The following IGSF21 variants were observed in gnomAD, a reference collection of about 807,000 sequenced individuals.
IGSF21 encodes the protein immunoglobulin superfamily member 21.
Under a neutral mutation model 46.8 loss-of-function variants are expected in IGSF21, and 28 were observed. That is an observed-to-expected ratio of 0.60 (90% CI 0.44 to 0.82). IGSF21 has a LOEUF of 0.82. IGSF21 is among the 40% of genes least tolerant of loss of function. The pLI is 0.00. For missense variants in IGSF21, 624 were observed against 665.5 expected, an observed-to-expected ratio of 0.94 and a Z score of 0.69; for synonymous variants, 284 against 273.6, an observed-to-expected ratio of 1.04 and a Z score of -0.38.
chr1:18,354,624 C>T (rs2085995624), intron 4 of IGSF21, among the ~76,000 whole-genome samples: 1 of 152,026 alleles, frequency 6.6e-6, no homozygotes, highest in Non-Finnish European at 1.5e-5. Context: ...CTCTCCCCTC[C>T]CCCATCCCTC....
intron 3 of IGSF21, among the ~76,000 whole-genome samples, chr1:18,294,044 G>A (rs1319151279): frequency 3.3e-5 from 5 of 152,228 alleles, no homozygotes; most frequent in East Asian, 3.9e-4. Context: ...CAGGTCCTTC[G>A]CCTGTAGAGC....
intron 4 of IGSF21, among the ~76,000 whole-genome samples, chr1:18,354,041 C>G (rs1011065587): frequency 1.3e-5 from 2 of 152,198 alleles, no homozygotes; most frequent in African/African-American, 4.8e-5. Context: ...AACACGCACT[C>G]TAGTGGGGAG....
chr1:18,369,236 C>T (rs1049075324), intron 6 of IGSF21, among the ~76,000 whole-genome samples: 3 of 152,200 alleles, frequency 2.0e-5, no homozygotes, highest in South Asian at 2.1e-4. Context: ...GACTTCTTAA[C>T]GTCTCTGAGT....
chr1:18,330,848 CT>C (rs746562655), intron 3 of IGSF21, among the ~76,000 whole-genome samples: 1 of 152,340 alleles, frequency 6.6e-6, no homozygotes, highest in East Asian at 1.9e-4. Context: ...CCACCTGCCC[CT>C]GTCCCACACA....
rs1489665163 is a variant in IGSF21, at chr1:18,326,706, A to G, written c.306-8186A>G. 2.6e-5 allele frequency among the ~76,000 whole-genome samples: 4 copies of G among 152,308 alleles called. No homozygotes were observed. The East Asian group carries it at 7.7e-4, about 29-fold the overall frequency. On this transcript the variant is annotated intron_variant, in intron 3 of 9. Transcript: ENST00000251296. ...TGAATTTTGGCAAGGATGCAAAACC[A>G]CACACCACGTTCCTCCCTCCATCTG... is the stretch of plus-strand genomic sequence containing the variant.
intron 6 of IGSF21, among the ~76,000 whole-genome samples, chr1:18,366,001 T>C (rs1328513250): frequency 6.6e-6 from 1 of 151,078 alleles, no homozygotes; most frequent in Non-Finnish European, 1.5e-5. Flanking sequence ...TCAGAGGAGT[T>C]CCTGGATTAG....
At chr1:18,276,556 A>ACC (rs200075031) in intron 2 of IGSF21, among the ~76,000 whole-genome samples, 4 of 151,716 alleles carry the variant, frequency 2.6e-5, no homozygotes, top group Admixed American at 2.6e-4. Flanking sequence ...GAGATCGTAG[A>ACC]CCCCCCGACC....
At chr1:18,221,748 G>A (rs921668585) in intron 1 of IGSF21, among the ~76,000 whole-genome samples, 4 of 152,114 alleles carry the variant, frequency 2.6e-5, no homozygotes, top group East Asian at 3.9e-4. Flanking sequence ...CTCACACATC[G>A]AGGCTGATTG....
chr1:18,306,730 C>A (rs1450019225), intron 3 of IGSF21, among the ~76,000 whole-genome samples: 1 of 152,232 alleles, frequency 6.6e-6, no homozygotes. Flanking sequence ...GATCCTGTGA[C>A]AGAGCCATAG....
intron 1 of IGSF21, among the ~76,000 whole-genome samples, chr1:18,223,967 G>C (rs1162101150): frequency 6.6e-6 from 1 of 152,162 alleles, no homozygotes; most frequent in Non-Finnish European, 1.5e-5. Context: ...GCCATCCCTG[G>C]AATGGAAGAC....
At chr1:18,269,090 G>C (rs1457962393) in intron 2 of IGSF21, among the ~76,000 whole-genome samples, 2 of 152,230 alleles carry the variant, frequency 1.3e-5, no homozygotes, top group African/African-American at 4.8e-5. Flanking sequence ...GCATCACATG[G>C]GGCGCAGGAG....
intron 2 of IGSF21, among the ~76,000 whole-genome samples, chr1:18,276,300 G>A (rs532393921): frequency 6.6e-6 from 1 of 152,270 alleles, no homozygotes; most frequent in South Asian, 2.1e-4. Context: ...AGGGGTCAAG[G>A]CAGCTTTACC....
At position 18,182,764 on chromosome 1, in the gene IGSF21, G is replaced by T. The variant is rs549942755; in HGVS notation, c.71-45134G>T. The stretch of plus-strand genomic sequence containing the variant: ...CCTCTGAGCACTTCCCACCCCTCGA[G>T]GGGGGTCATCCGTATAGGGGTGGGA... On this transcript the variant is annotated intron_variant, in intron 1 of 9. Transcript: ENST00000251296. Among the ~76,000 whole-genome samples the T allele has an allele frequency of 3.3e-5, 5 of 152,306 alleles. No homozygotes were observed. The South Asian group carries it at 1.0e-3, about 32-fold the overall frequency.
At position 18,245,090 on chromosome 1, in the gene IGSF21, G is replaced by A. The variant is rs1274171937; in HGVS notation, c.183+17080G>A. On this transcript the variant is annotated intron_variant, in intron 2 of 9. Coordinates refer to ENST00000251296, the MANE Select transcript of IGSF21 (RefSeq NM_032880.5). ...CTTATTCCATTGTCTAAAATTTCCA[G>A]AATGCTTGTAAAAAAGGGTTTCCCT... Among the ~76,000 whole-genome samples, 4 of 152,082 alleles carry A rather than the reference G, an allele frequency of 2.6e-5. No individual in the cohort carries two copies. In the East Asian group the frequency reaches 7.7e-4, roughly 29 times the overall value.
intron 2 of IGSF21, among the ~76,000 whole-genome samples, chr1:18,280,266 G>T (rs760035243): frequency 6.6e-6 from 1 of 152,062 alleles, no homozygotes; most frequent in Non-Finnish European, 1.5e-5. Context: ...TGACTGGTGG[G>T]ATCCAAAAAT....
chr1:18,167,956 A>C (rs1231118722), intron 1 of IGSF21, among the ~76,000 whole-genome samples: 2 of 152,100 alleles, frequency 1.3e-5, no homozygotes, highest in Non-Finnish European at 2.9e-5. Flanking sequence ...CGTGCGCCAC[A>C]AACACCTTGA....
At chr1:18,344,071 C>T (rs1465706866) in intron 4 of IGSF21, among the ~76,000 whole-genome samples, 1 of 152,200 alleles carries the variant, frequency 6.6e-6, no homozygotes, top group Non-Finnish European at 1.5e-5. Context: ...GAGCTGGATT[C>T]TTGCTTTCTA....
chr1:18,188,125 T>A (rs1557578905), intron 1 of IGSF21, among the ~76,000 whole-genome samples: 1 of 152,176 alleles, frequency 6.6e-6, no homozygotes, highest in African/African-American at 2.4e-5. Flanking sequence ...GTGACCTAAC[T>A]GGTAGCAAAG....
chr1:18,196,359 A>G (rs928596458), intron 1 of IGSF21, among the ~76,000 whole-genome samples: 1 of 152,140 alleles, frequency 6.6e-6, no homozygotes, highest in African/African-American at 2.4e-5. Context: ...GCAGGACTCC[A>G]TCTGACCTAA....
Sources: gnomAD v4.1 joint callset for allele counts (sites outside exome capture counted in the v4.1 genomes callset) on GRCh38, gnomAD v4.1.1 for gene constraint, MANE v1.5 for transcripts, NCBI Gene and HGNC (gene_info 2026-07-23, HGNC 2026-07-21) for gene names.